Variants in TENM3 observed in about 807,000 individuals in gnomAD.
TENM3 encodes the protein teneurin-3.
Under a neutral mutation model 255.1 loss-of-function variants are expected in TENM3, and 63 were observed. The observed-to-expected ratio is 0.25, with a 90% CI of 0.20 to 0.30. The LOEUF (loss-of-function observed/expected upper bound fraction) is 0.30. TENM3 is among the 10% of genes least tolerant of loss of function. The probability of loss-of-function intolerance (pLI) is 1.00; values close to 1 mark genes in which losing one functional copy is unlikely to be tolerated. For synonymous variants in TENM3, 1,306 were observed against 1,322.3 expected (o/e 0.99, Z 0.27); for missense variants, 2,929 against 3,461.1 (o/e 0.85, Z 3.86).
the TENM3 span, among the ~76,000 whole-genome samples, chr4:181,536,129 TTC>T: frequency 6.6e-6 from 1 of 152,226 alleles, no homozygotes; most frequent in Admixed American, 6.5e-5. Context: ...TTAGCACAAC[TTC>T]TGGTGAATAA....
intron 12 of TENM3, among the ~76,000 whole-genome samples, chr4:182,692,749 C>G (rs568104315): frequency 4.6e-5 from 7 of 152,156 alleles, no homozygotes; most frequent in African/African-American, 7.2e-5. Context: ...CCCAAGTAAT[C>G]GTAGTATTGT....
chr4:182,695,080 G>T (rs1381419663), intron 12 of TENM3, among the ~76,000 whole-genome samples: 4 of 152,148 alleles, frequency 2.6e-5, no homozygotes, highest in African/African-American at 9.7e-5. Context: ...TATCTTTTTA[G>T]ATTTTAAGTC....
the TENM3 span, among the ~76,000 whole-genome samples, chr4:181,582,071 A>G: frequency 1.8e-3 from 270 of 152,288 alleles, 5 homozygotes; most frequent in East Asian, 0.035. Flanking sequence ...TTAATTCTCA[A>G]TGAGCACAAG....
chr4:181,642,485 T>C, the TENM3 span, among the ~76,000 whole-genome samples: 844 of 152,330 alleles, frequency 5.5e-3, 3 homozygotes, highest in Non-Finnish European at 8.3e-3. Flanking sequence ...GTAGATCCCA[T>C]TTGTCAATTT....
chr4:182,064,715 G>T, the TENM3 span, among the ~76,000 whole-genome samples: 2 of 152,180 alleles, frequency 1.3e-5, no homozygotes, highest in Admixed American at 6.5e-5. Context: ...CTTGCCCCGG[G>T]GAGAGACTGG....
intron 1 of TENM3, among the ~76,000 whole-genome samples, chr4:182,199,280 A>G (rs1271603706): frequency 2.0e-5 from 3 of 152,100 alleles, no homozygotes; most frequent in African/African-American, 4.8e-5. Context: ...CCTGGCCAAC[A>G]TGGTGAAACC....
intron 1 of TENM3, among the ~76,000 whole-genome samples, chr4:182,267,607 T>G (rs1241422479): frequency 6.6e-6 from 1 of 152,102 alleles, no homozygotes; most frequent in Non-Finnish European, 1.5e-5. Flanking sequence ...GAAAAGAAAT[T>G]TACCCAATTC....
chr4:182,406,881 C>G (rs1298250548), intron 3 of TENM3, among the ~76,000 whole-genome samples: 2 of 152,154 alleles, frequency 1.3e-5, no homozygotes, highest in African/African-American at 4.8e-5. Flanking sequence ...CGTTTCATGT[C>G]CTGTTCATAA....
intron 16 of TENM3, among the ~76,000 whole-genome samples, chr4:182,735,283 G>C (rs1219980203): frequency 1.3e-5 from 2 of 152,164 alleles, no homozygotes; most frequent in Non-Finnish European, 2.9e-5. Flanking sequence ...GCCTCTTACT[G>C]TACTGTACTG....
chr4:182,313,613 A>C (rs1361511020), intron 1 of TENM3, among the ~76,000 whole-genome samples: 1 of 152,100 alleles, frequency 6.6e-6, no homozygotes, highest in Non-Finnish European at 1.5e-5. Flanking sequence ...TCTTATCTGC[A>C]TTTTCCAGTT....
chr4:182,085,608 A>G, the TENM3 span, among the ~76,000 whole-genome samples: 1 of 151,762 alleles, frequency 6.6e-6, no homozygotes, highest in Non-Finnish European at 1.5e-5. Context: ...CACTTAAAAG[A>G]AAAATATTAC....
At chr4:182,269,118 C>A (rs1282507241) in intron 1 of TENM3, among the ~76,000 whole-genome samples, 2 of 152,160 alleles carry the variant, frequency 1.3e-5, no homozygotes, top group African/African-American at 4.8e-5. Flanking sequence ...ATACAGAGCT[C>A]TTGAAATGGA....
intron 1 of TENM3, among the ~76,000 whole-genome samples, chr4:182,151,180 T>C (rs6838817): frequency 0.29 from 43,461 of 151,930 alleles, 6,771 homozygotes; most frequent in Admixed American, 0.38. Flanking sequence ...TTTATGTTCT[T>C]GGACTACATA....
chr4:181,968,086 C>T, the TENM3 span, among the ~76,000 whole-genome samples: 3 of 152,062 alleles, frequency 2.0e-5, no homozygotes, highest in African/African-American at 4.8e-5. Context: ...CCTGGTATTC[C>T]GAGCACCAGA....
chr4:182,275,320 C>A (rs1013320510), intron 1 of TENM3, among the ~76,000 whole-genome samples: 3 of 152,198 alleles, frequency 2.0e-5, no homozygotes, highest in African/African-American at 7.2e-5. Flanking sequence ...TGAGACATCA[C>A]ACTTGCAGCT....
intron 1 of TENM3, among the ~76,000 whole-genome samples, chr4:182,255,562 C>G (rs1168450036): frequency 6.6e-6 from 1 of 152,192 alleles, no homozygotes; most frequent in Admixed American, 6.5e-5. Flanking sequence ...TTAGCAACTA[C>G]CTGATGGCCA....
At chr4:182,312,556 C>T (rs768175991) in intron 1 of TENM3, among the ~76,000 whole-genome samples, 5 of 152,068 alleles carry the variant, frequency 3.3e-5, no homozygotes, top group Non-Finnish European at 7.4e-5. Flanking sequence ...TGAGGCCATT[C>T]GGATACCACA....
chr4:181,609,593 G>A, the TENM3 span, among the ~76,000 whole-genome samples: 9 of 152,254 alleles, frequency 5.9e-5, no homozygotes, highest in South Asian at 2.1e-4. Flanking sequence ...CTGCTTCTCC[G>A]TGCTTCGTTC....
intron 1 of TENM3, among the ~76,000 whole-genome samples, chr4:182,192,942 T>C (rs1753611288): frequency 6.6e-6 from 1 of 152,238 alleles, no homozygotes; most frequent in South Asian, 2.1e-4. Context: ...TGAGAATTCC[T>C]GTGAAATCTT....
Sources: allele counts gnomAD v4.1 joint callset (sites outside exome capture counted in the v4.1 genomes callset), GRCh38; gene constraint gnomAD v4.1.1; transcripts MANE v1.5; gene names NCBI Gene and HGNC (gene_info 2026-07-23, HGNC 2026-07-21).